Variants in ARHGAP24 observed in about 807,000 individuals in gnomAD.
ARHGAP24 encodes the protein rho GTPase-activating protein 24.
ARHGAP24 carries 50 observed loss-of-function variants against 76.4 expected under a neutral mutation model. The ratio of observed to expected loss-of-function variants is 0.65; its 90% confidence interval spans 0.52 to 0.83. The LOEUF (loss-of-function observed/expected upper bound fraction) is 0.83. Among genes scored for constraint, ARHGAP24 ranks in the 40% least tolerant of loss-of-function variants. The pLI, the probability that ARHGAP24 is intolerant of heterozygous loss-of-function variation, is 0.00. For synonymous variants in ARHGAP24, 345 were observed against 323.3 expected, an observed-to-expected ratio of 1.07 and a Z score of -0.72; for missense variants, 930 against 914.2, an observed-to-expected ratio of 1.02 and a Z score of -0.22.
chr4:85,721,577 G>A (rs1724940232), intron 2 of ARHGAP24, among the ~76,000 whole-genome samples: 1 of 152,092 alleles, frequency 6.6e-6, no homozygotes. Flanking sequence ...AAATAATATG[G>A]TGCGGGTAGA....
At chr4:85,487,714 A>AAATATATATTTATATTATATATTATAT (rs1560505646) in intron 1 of ARHGAP24, among the ~76,000 whole-genome samples, 3 of 100,814 alleles carry the variant, frequency 3.0e-5, no homozygotes, top group East Asian at 5.0e-4. Context: ...TATATTATAT[A>AAATATATATTTATATTATATATTATAT]AATATATATT....
chr4:85,515,423 C>A lies in ARHGAP24; in HGVS notation c.-21+39864C>A, dbSNP rs1420273769. 4.1e-5 allele frequency among the ~76,000 whole-genome samples: 6 copies of A among 147,208 alleles called. No individual in the cohort carries two copies. The East Asian group carries it at 1.2e-3, about 29-fold the overall frequency. On this transcript the variant is annotated intron_variant, in intron 1 of 9. Coordinates refer to ENST00000395184, the MANE Select transcript of ARHGAP24 (RefSeq NM_001025616.3). Reference sequence around the variant, plus strand: ...TTTGGGTTGTGCAAAATAAACTATACCCACTCTATACAGGTAATCATTGTT... The same window carrying A: ...TTTGGGTTGTGCAAAATAAACTATAACCACTCTATACAGGTAATCATTGTT...
chr4:85,621,874 C>CT (rs1377088559), intron 2 of ARHGAP24, among the ~76,000 whole-genome samples: 1 of 151,986 alleles, frequency 6.6e-6, no homozygotes, highest in Non-Finnish European at 1.5e-5. Flanking sequence ...CCTACGAATT[C>CT]TTTAAGGATT....
intron 2 of ARHGAP24, among the ~76,000 whole-genome samples, chr4:85,641,352 C>G (rs1260325864): frequency 2.6e-5 from 4 of 152,162 alleles, no homozygotes; most frequent in African/African-American, 9.7e-5. Context: ...TTTGCTAAGG[C>G]TGCCATAACA....
chr4:85,945,087 C>G (rs1424331129), intron 5 of ARHGAP24, among the ~76,000 whole-genome samples: 3 of 152,116 alleles, frequency 2.0e-5, no homozygotes, highest in Admixed American at 6.5e-5. Context: ...CTCAGGTGAT[C>G]CACCCGACTC....
At chr4:85,755,621 C>CTTGTGT (rs1726447298) in intron 3 of ARHGAP24, among the ~76,000 whole-genome samples, 1 of 21,300 alleles carries the variant, frequency 4.7e-5, no homozygotes, top group Non-Finnish European at 9.9e-4. Context: ...AGCTTCTATT[C>CTTGTGT]TTTTGTTTTG....
At chr4:85,911,125 C>T (rs1735053069) in intron 3 of ARHGAP24, among the ~76,000 whole-genome samples, 1 of 152,186 alleles carries the variant, frequency 6.6e-6, no homozygotes, top group African/African-American at 2.4e-5. Flanking sequence ...GCTGCAGCTG[C>T]ACCTGCACCC....
intron 1 of ARHGAP24, among the ~76,000 whole-genome samples, chr4:85,545,844 A>G (rs1466327390): frequency 6.6e-6 from 1 of 152,248 alleles, no homozygotes; most frequent in Non-Finnish European, 1.5e-5. Flanking sequence ...GCATAAATAC[A>G]TAAATAGTTT....
intron 5 of ARHGAP24, among the ~76,000 whole-genome samples, chr4:85,949,671 G>T (rs1337398817): frequency 6.6e-6 from 1 of 152,164 alleles, no homozygotes; most frequent in Non-Finnish European, 1.5e-5. Context: ...GAACTGGTGC[G>T]ATGTCACATC....
chr4:85,760,027 A>G (rs758481330), intron 3 of ARHGAP24, among the ~76,000 whole-genome samples: 2 of 150,850 alleles, frequency 1.3e-5, no homozygotes, highest in Non-Finnish European at 3.0e-5. Flanking sequence ...TCATTTGGTA[A>G]AAATCAAATG....
rs1366126783 is a variant in ARHGAP24 at position 85,894,972 on chromosome 4, AAAAAAAAAAAAAAAAACAAAAC to A, written c.269-28670_269-28649del. On this transcript the variant is annotated intron_variant, in intron 3 of 9. Coordinates refer to ENST00000395184, the MANE Select transcript of ARHGAP24 (RefSeq NM_001025616.3). ...TGAGACTCCCTCTCAAAAAAAAAAA[AAAAAAAAAAAAAAAAACAAAAC>A]AAAAAGCAAAAAAAAAAAAAAAAAA... is the stretch of plus-strand genomic sequence containing the variant. 9.8e-3 allele frequency among the ~76,000 whole-genome samples: 380 copies of A among 38,956 alleles called. 18 individuals carry two copies. Among genetic ancestry groups the A allele is most frequent in the African/African-American group, 0.04 (330 of 8,296 alleles). The allele number at this position is 38,956 out of a possible 152,430, so 25.6% of individuals were successfully genotyped here. A position where few individuals can be genotyped will look rare whatever the true frequency, so the allele number is the denominator to read the frequency against.
At chr4:85,743,867 T>A (rs151313048) in intron 3 of ARHGAP24, among the ~76,000 whole-genome samples, 468 of 152,306 alleles carry the variant, frequency 3.1e-3, no homozygotes, top group African/African-American at 0.011. Context: ...TATCATTAAT[T>A]AGCAACTACT....
rs1049605273 is a variant in ARHGAP24, at chr4:85,612,947, C to T, written c.180+42226C>T. 2.6e-5 allele frequency among the ~76,000 whole-genome samples: 4 copies of T among 151,908 alleles called. No homozygotes were observed. In the East Asian group the frequency reaches 5.8e-4, roughly 22 times the overall value. On this transcript the variant is annotated intron_variant, in intron 2 of 9. Transcript: ENST00000395184. The stretch of plus-strand genomic sequence containing the variant: ...CTGAGTAGCTGCGACCACAGATACA[C>T]TACCACACCCAGCTAATTTTTGTAT...
chr4:85,593,474 G>T lies in ARHGAP24; in HGVS notation c.180+22753G>T, dbSNP rs567067234. On this transcript the variant is annotated intron_variant, in intron 2 of 9. Coordinates refer to ENST00000395184, the MANE Select transcript of ARHGAP24 (RefSeq NM_001025616.3). ...CTTTCAACTTGATGTGACCCCATTT[G>T]TCCATTGTTGTTTTGGTTGCCTATC... is the stretch of plus-strand genomic sequence containing the variant. 1.6e-3 allele frequency among the ~76,000 whole-genome samples: 251 copies of T among 152,150 alleles called. 1 individual carries two copies. Among genetic ancestry groups the T allele is most frequent in the African/African-American group, 5.5e-3 (230 of 41,514 alleles).
intron 2 of ARHGAP24, among the ~76,000 whole-genome samples, chr4:85,667,229 C>T (rs1372543492): frequency 6.6e-6 from 1 of 152,210 alleles, no homozygotes; most frequent in Non-Finnish European, 1.5e-5. Context: ...AGCATTGCTG[C>T]CGCCTTGCAG....
intron 1 of ARHGAP24, among the ~76,000 whole-genome samples, chr4:85,545,622 G>A (rs1725893622): frequency 1.3e-5 from 2 of 152,194 alleles, no homozygotes; most frequent in Non-Finnish European, 2.9e-5. Flanking sequence ...GAAGGGGAAA[G>A]AGCAAAGTCA....
chr4:85,772,083 A>G (rs1049434303), intron 3 of ARHGAP24, among the ~76,000 whole-genome samples: 1 of 152,222 alleles, frequency 6.6e-6, no homozygotes, highest in South Asian at 2.1e-4. Flanking sequence ...TAGTTTATTA[A>G]TCTGGCCTTT....
chr4:85,510,047 T>C (rs1407368131), intron 1 of ARHGAP24, among the ~76,000 whole-genome samples: 1 of 152,196 alleles, frequency 6.6e-6, no homozygotes, highest in Non-Finnish European at 1.5e-5. Context: ...CACTTGGCTC[T>C]TGGCACTAAA....
chr4:85,786,784 G>C (rs976291671), intron 3 of ARHGAP24, among the ~76,000 whole-genome samples: 2 of 152,120 alleles, frequency 1.3e-5, no homozygotes, highest in Admixed American at 6.6e-5. Flanking sequence ...TACATGGCTG[G>C]CTTCAGCATT....
Sources: gnomAD v4.1 joint callset for allele counts (sites outside exome capture counted in the v4.1 genomes callset) on GRCh38, gnomAD v4.1.1 for gene constraint, MANE v1.5 for transcripts, NCBI Gene and HGNC (gene_info 2026-07-23, HGNC 2026-07-21) for gene names.